The following ELAVL1 variants were observed in gnomAD, a reference collection of about 807,000 sequenced individuals.
ELAVL1 encodes the protein ELAV-like protein 1.
In ELAVL1, 1 loss-of-function variant was observed where a neutral mutation model predicts 28.4. The observed-to-expected ratio is 0.04, with a 90% CI of 0.01 to 0.17. The LOEUF (loss-of-function observed/expected upper bound fraction) is 0.17, where lower values mean the gene tolerates loss of function less well. ELAVL1 is among the 10% of genes least tolerant of loss of function. The probability of loss-of-function intolerance (pLI) is 1.00; values close to 1 mark genes in which losing one functional copy is unlikely to be tolerated. For synonymous variants in ELAVL1, 174 were observed against 183.5 expected (o/e 0.95, Z 0.42); for missense variants, 157 against 447.2 (o/e 0.35, Z 5.85).
chr19:7,990,827 A>G (rs1985731715), intron 2 of ELAVL1, among the ~76,000 whole-genome samples: 1 of 152,160 alleles, frequency 6.6e-6, no homozygotes, highest in African/African-American at 2.4e-5. Flanking sequence ...AAGAGGGGCC[A>G]TTGGGAGAGG....
At chr19:7,988,756 G>GC (rs1451136751) in intron 2 of ELAVL1, among the ~76,000 whole-genome samples, 1 of 152,258 alleles carries the variant, frequency 6.6e-6, no homozygotes, top group Non-Finnish European at 1.5e-5. Context: ...GTCCAGTGCG[G>GC]CGTCCAGCCC....
At chr19:7,976,987 ATCT>A (rs1985315468) in intron 3 of ELAVL1, among the ~76,000 whole-genome samples, 1 of 151,750 alleles carries the variant, frequency 6.6e-6, no homozygotes, top group South Asian at 2.1e-4. Flanking sequence ...CCTGCCTGGC[ATCT>A]ATTTTACTTA....
At chr19:7,997,812 T>C (rs1332700952) in intron 1 of ELAVL1, among the ~76,000 whole-genome samples, 6 of 150,252 alleles carry the variant, frequency 4.0e-5, no homozygotes, top group Non-Finnish European at 4.4e-5. Flanking sequence ...CCAGGAATGG[T>C]GATGCACACC....
rs1868289905 is a variant in ELAVL1, at chr19:7,979,766, G to A, written c.276+1317C>T. Among the ~76,000 whole-genome samples, 1 of 152,230 alleles carries A rather than the reference G, an allele frequency of 6.6e-6. No individual in the cohort carries two copies. The highest frequency in any genetic ancestry group is 1.9e-4 in the East Asian group (1 of 5,200). On this transcript the variant is annotated intron_variant, in intron 3 of 5. Transcript: ENST00000407627. The surrounding 1 kb of genome is among the most constrained non-coding windows in gnomAD (Gnocchi z 5.4). The stretch of plus-strand genomic sequence containing the variant: ...AGCCCACTGCACACCACGTCCATGC[G>A]GCATGGGGCAGGTCTGGGAGAGCTG...
chr19:7,984,295 A>G (rs904087525), intron 2 of ELAVL1, among the ~76,000 whole-genome samples: 2 of 152,168 alleles, frequency 1.3e-5, no homozygotes, highest in Non-Finnish European at 2.9e-5. Context: ...CCTGGGGGCA[A>G]GTCAGACAAC....
chr19:7,999,433 A>G (rs1421573928), intron 1 of ELAVL1, among the ~76,000 whole-genome samples: 2 of 152,240 alleles, frequency 1.3e-5, no homozygotes, highest in Non-Finnish European at 2.9e-5. Context: ...TCTAGTTCTC[A>G]GTGCCTCCAT....
intron 2 of ELAVL1, among the ~76,000 whole-genome samples, chr19:7,986,081 G>A (rs565750613): frequency 6.6e-6 from 1 of 152,226 alleles, no homozygotes; most frequent in East Asian, 1.9e-4. Flanking sequence ...CTTTGGATGA[G>A]GGTTAAGACT....
chr19:7,983,780 GGTCCCTGCTTGGACCAA>G (rs1472563623), intron 2 of ELAVL1, among the ~76,000 whole-genome samples: 1 of 152,086 alleles, frequency 6.6e-6, no homozygotes, highest in Non-Finnish European at 1.5e-5. Context: ...ACAGAAACAT[GGTCCCTGCTTGGACCAA>G]GTCCCTGCTT....
At chr19:7,974,603 G>A (rs1039816611) in intron 3 of ELAVL1, among the ~76,000 whole-genome samples, 8 of 152,108 alleles carry the variant, frequency 5.3e-5, no homozygotes, top group African/African-American at 1.7e-4. Context: ...GGAAGAAAAG[G>A]ACCACAGTGG....
intron 1 of ELAVL1, among the ~76,000 whole-genome samples, chr19:7,994,013 C>A (rs537525990): frequency 2.0e-5 from 3 of 152,272 alleles, no homozygotes; most frequent in African/African-American, 7.2e-5. Flanking sequence ...CCTAACATTT[C>A]TTTTATTTGA....
rs925256359 is a variant in ELAVL1, at chr19:7,979,930, G to A, written c.276+1153C>T. 6.6e-6 allele frequency among the ~76,000 whole-genome samples: 1 copy of A among 152,182 alleles called. No individual in the cohort carries two copies. The highest frequency in any genetic ancestry group is 2.4e-5 in the African/African-American group (1 of 41,440). On this transcript the variant is annotated intron_variant, in intron 3 of 5. Transcript: ENST00000407627. This position sits in a 1 kb window ranked among gnomAD's most constrained non-coding sequence, Gnocchi z 5.4. ...TCTTGGTGGGCAGGCAAAAATCCAGGCTCCCAGGCCCACCCTGCAGTGACT... is the reference window on the plus strand; with the variant it reads ...TCTTGGTGGGCAGGCAAAAATCCAGACTCCCAGGCCCACCCTGCAGTGACT...
At chr19:7,978,109 T>C (rs1985351832) in intron 3 of ELAVL1, among the ~76,000 whole-genome samples, 5 of 152,368 alleles carry the variant, frequency 3.3e-5, no homozygotes, top group Admixed American at 3.3e-4. Flanking sequence ...TCCCCGAGGA[T>C]GGACCATGGG....
chr19:7,971,669 T>C (rs1985115671), intron 4 of ELAVL1, among the ~76,000 whole-genome samples: 1 of 152,224 alleles, frequency 6.6e-6, no homozygotes, highest in African/African-American at 2.4e-5. Context: ...GAGTGAGCCC[T>C]GTCCTTCGGC....
chr19:7,993,125 C>T (rs891036278), intron 1 of ELAVL1, among the ~76,000 whole-genome samples: 2 of 152,148 alleles, frequency 1.3e-5, no homozygotes, highest in Non-Finnish European at 2.9e-5. Context: ...TGCTACAGAA[C>T]GAGTGTTCTC....
At chr19:7,978,903 G>C (rs1035022526) in intron 3 of ELAVL1, among the ~76,000 whole-genome samples, 4 of 152,188 alleles carry the variant, frequency 2.6e-5, no homozygotes, top group African/African-American at 9.7e-5. Flanking sequence ...TAAAATCCAG[G>C]ATCAGTTGAA....
chr19:7,978,531 T>C (rs955969343), intron 3 of ELAVL1, among the ~76,000 whole-genome samples: 5 of 152,204 alleles, frequency 3.3e-5, no homozygotes, highest in Admixed American at 6.5e-5. Flanking sequence ...CAGGGAGGAC[T>C]AGGCACCTGA....
Position 7,963,646 on chromosome 19 carries a change from A to G in ELAVL1, c.818T>C (p.Val273Ala). The G allele has an allele frequency of 6.2e-7, 1 of 1,614,258 alleles. No homozygotes were observed. The highest frequency in any genetic ancestry group is 8.5e-7 in the Non-Finnish European group (1 of 1,180,052). The change falls in exon 6 of 6, where the codon GTG becomes GCG. Residue 273 changes from valine to alanine, a missense_variant. Physicochemically the swap from Val to Ala is moderately conservative, Grantham distance 64. Coordinates refer to ENST00000407627, the MANE Select transcript of ELAVL1 (RefSeq NM_001419.3). The surrounding 1 kb of genome is among the most constrained non-coding windows in gnomAD (Gnocchi z 4.5). ...GGTGTTGAAGTCGCGGATCACTTTC[A>G]CATTGGTGACGGCACCAAACGGCCC... Reference protein sequence around the residue: ...MFGPFGAVTNVKVIRDFNTNK... With the variant: ...MFGPFGAVTNAKVIRDFNTNK...
chr19:8,004,043 G>C (rs1017173453), intron 1 of ELAVL1, among the ~76,000 whole-genome samples: 1 of 152,212 alleles, frequency 6.6e-6, no homozygotes, highest in African/African-American at 2.4e-5. Context: ...GTCACATCAA[G>C]TGACCCATCT....
At position 7,963,344 on chromosome 19, in the gene ELAVL1, TA is replaced by T; in HGVS notation, c.*138del. 9.8e-7 allele frequency: 1 copy of T among 1,020,956 alleles called. No homozygotes were observed. Among genetic ancestry groups the T allele is most frequent in the Non-Finnish European group, 1.4e-6 (1 of 710,760 alleles). The allele number at this position is 1,020,956 out of a possible 1,614,324, so 63.2% of individuals were successfully genotyped here. A position where few individuals can be genotyped will look rare whatever the true frequency, so the allele number is the denominator to read the frequency against. On this transcript the variant is annotated 3_prime_UTR_variant, in exon 6 of 6. Transcript: ENST00000407627. The surrounding 1 kb of genome is among the most constrained non-coding windows in gnomAD (Gnocchi z 4.5). The stretch of plus-strand genomic sequence containing the variant: ...AACATGTCGGTTGCATCCCAGAGTA[TA>T]AAAACCTTCTCACTTCTCATTCAGA...
Sources: allele counts gnomAD v4.1 joint callset (sites outside exome capture counted in the v4.1 genomes callset), GRCh38; gene constraint gnomAD v4.1.1; non-coding constraint Gnocchi (gnomAD v3.1); transcripts MANE v1.5; gene names NCBI Gene and HGNC (gene_info 2026-07-23, HGNC 2026-07-21).